The following TSHZ2 variants were observed in gnomAD, a reference collection of about 807,000 sequenced individuals.
TSHZ2 encodes teashirt zinc finger homeobox 2.
In TSHZ2, 21 loss-of-function variants were observed where a neutral mutation model predicts 74.4. The ratio of observed to expected loss-of-function variants is 0.28; its 90% CI spans 0.20 to 0.41. The LOEUF (loss-of-function observed/expected upper bound fraction) is 0.41. Ranked by LOEUF, TSHZ2 falls within the 10% of genes least tolerant of loss-of-function variation. The pLI is 1.00. For synonymous variants in TSHZ2, 540 were observed against 515.3 expected, an observed-to-expected ratio of 1.05 and a Z score of -0.65; for missense variants, 1,244 against 1,293.5, an observed-to-expected ratio of 0.96 and a Z score of 0.59.
At chr20:53,036,488 CAT>C (rs1388293565) in intron 1 of TSHZ2, among the ~76,000 whole-genome samples, 1 of 151,076 alleles carries the variant, frequency 6.6e-6, no homozygotes, top group Non-Finnish European at 1.5e-5. Context: ...AACACATATA[CAT>C]ACACACATAT....
At chr20:53,333,941 A>T (rs1321874518) in intron 2 of TSHZ2, among the ~76,000 whole-genome samples, 1 of 152,208 alleles carries the variant, frequency 6.6e-6, no homozygotes, top group Admixed American at 6.5e-5. Context: ...GAGACTTCAA[A>T]ATGGCAGTCT....
chr20:53,050,196 T>C (rs1317026767), intron 1 of TSHZ2, among the ~76,000 whole-genome samples: 2 of 146,646 alleles, frequency 1.4e-5, no homozygotes, highest in Non-Finnish European at 3.0e-5. Context: ...TGTATATATA[T>C]ATATGTATGT....
chr20:53,096,947 CAAAAAAA>C (rs201536999), intron 1 of TSHZ2, among the ~76,000 whole-genome samples: 1 of 148,852 alleles, frequency 6.7e-6, no homozygotes, highest in Non-Finnish European at 1.5e-5. Flanking sequence ...AAACAAAAAA[CAAAAAAA>C]AACAACAAAA....
At chr20:53,351,914 A>C (rs969462907) in intron 2 of TSHZ2, among the ~76,000 whole-genome samples, 1 of 152,216 alleles carries the variant, frequency 6.6e-6, no homozygotes, top group Non-Finnish European at 1.5e-5. Context: ...TTCCTTTCCT[A>C]ATTTGTACTG....
chr20:53,404,091 C>T (rs1036887967), intron 2 of TSHZ2, among the ~76,000 whole-genome samples: 17 of 152,146 alleles, frequency 1.1e-4, no homozygotes, highest in Admixed American at 9.2e-4. Context: ...ATTACAAGTT[C>T]GAGCTAACCA....
chr20:53,421,463 A>T (rs903390274), intron 2 of TSHZ2: 1 of 225,914 alleles, frequency 4.4e-6, no homozygotes, highest in Admixed American at 4.2e-5. Flanking sequence ...AGGTCCTGGC[A>T]TCTTGCTGGA....
chr20:52,988,667 A>G lies in TSHZ2; in HGVS notation c.40+15334A>G, dbSNP rs184592354. Among the ~76,000 whole-genome samples, 522 of 152,222 alleles carry G rather than the reference A, an allele frequency of 3.4e-3. 2 individuals are homozygous for G. The highest frequency in any genetic ancestry group is 6.2e-3 in the Non-Finnish European group (420 of 68,020). ...TTTAAAACTTGAGCCTATGAAGAAA[A>G]AGAATAAAGACTTTTGAAATCTCTT... On this transcript the variant is annotated intron_variant, in intron 1 of 2. Coordinates refer to ENST00000371497, the MANE Select transcript of TSHZ2 (RefSeq NM_173485.6).
chr20:53,091,518 G>T (rs961441748), intron 1 of TSHZ2, among the ~76,000 whole-genome samples: 3 of 152,128 alleles, frequency 2.0e-5, no homozygotes, highest in African/African-American at 7.2e-5. Context: ...TTTATATTCT[G>T]ATTTTGCTCA....
intron 2 of TSHZ2, among the ~76,000 whole-genome samples, chr20:53,378,989 A>G (rs1284671397): frequency 6.6e-6 from 1 of 152,254 alleles, no homozygotes; most frequent in Non-Finnish European, 1.5e-5. Context: ...ACACTGGCCT[A>G]ACCACTTGGT....
At chr20:53,318,538 G>A (rs1979118146) in intron 2 of TSHZ2, among the ~76,000 whole-genome samples, 1 of 152,216 alleles carries the variant, frequency 6.6e-6, no homozygotes, top group African/African-American at 2.4e-5. Flanking sequence ...AGGGCAAGCA[G>A]GTACAGCACA....
intron 1 of TSHZ2, among the ~76,000 whole-genome samples, chr20:53,098,686 T>C (rs1986128634): frequency 6.6e-6 from 1 of 152,252 alleles, no homozygotes; most frequent in Non-Finnish European, 1.5e-5. Context: ...GGAATTTCCC[T>C]CTCAGTTCCT....
intron 1 of TSHZ2, among the ~76,000 whole-genome samples, chr20:53,224,094 C>T (rs1160809008): frequency 6.6e-6 from 1 of 152,032 alleles, no homozygotes; most frequent in African/African-American, 2.4e-5. Flanking sequence ...CTTATAGCTG[C>T]GTATGAATCT....
At chr20:53,273,231 T>C (rs984754623) in intron 2 of TSHZ2, 11 of 152,398 alleles carry the variant, frequency 7.2e-5, no homozygotes, top group African/African-American at 2.7e-4. Flanking sequence ...ACGTTGGATT[T>C]GTTTTTCATT....
intron 2 of TSHZ2, among the ~76,000 whole-genome samples, chr20:53,474,857 C>A (rs1345206192): frequency 1.4e-5 from 2 of 144,170 alleles, no homozygotes; most frequent in African/African-American, 5.3e-5. Context: ...GGGTTGCAAT[C>A]CTAGTCTCAG....
chr20:53,187,533 G>A (rs2426459), intron 1 of TSHZ2, among the ~76,000 whole-genome samples: 137 of 152,206 alleles, frequency 9.0e-4, no homozygotes, highest in Middle Eastern at 6.8e-3. Flanking sequence ...TTCTGGAAGC[G>A]AGCAGTATCA....
chr20:53,116,261 G>A (rs1358437497), intron 1 of TSHZ2, among the ~76,000 whole-genome samples: 1 of 151,748 alleles, frequency 6.6e-6, no homozygotes, highest in Non-Finnish European at 1.5e-5. Flanking sequence ...CATTTAAGGA[G>A]GGAGGGGAGA....
At chr20:53,223,898 AACACACACACACACACACAC>A (rs71675648) in intron 1 of TSHZ2, among the ~76,000 whole-genome samples, 7 of 145,498 alleles carry the variant, frequency 4.8e-5, no homozygotes, top group South Asian at 4.5e-4. Flanking sequence ...TACAGGACTA[AACACACACACACACACACAC>A]ACACACACAC....
At chr20:53,021,492 C>T (rs188952740) in intron 1 of TSHZ2, among the ~76,000 whole-genome samples, 10 of 152,206 alleles carry the variant, frequency 6.6e-5, no homozygotes, top group African/African-American at 2.4e-4. Flanking sequence ...TTCCTTTCTT[C>T]CCCTCTACTT....
chr20:53,195,977 G>A (rs1176399439), intron 1 of TSHZ2, among the ~76,000 whole-genome samples: 1 of 152,122 alleles, frequency 6.6e-6, no homozygotes, highest in Non-Finnish European at 1.5e-5. Flanking sequence ...TGTGCTAAGA[G>A]CAGCGTGGAT....
Sources: allele counts gnomAD v4.1 joint callset (sites outside exome capture counted in the v4.1 genomes callset), GRCh38; gene constraint gnomAD v4.1.1; transcripts MANE v1.5; gene names NCBI Gene and HGNC (gene_info 2026-07-23, HGNC 2026-07-21).